SMC3: variants seen among roughly 807,000 people sequenced by gnomAD.
The protein encoded by SMC3 is structural maintenance of chromosomes 3.
A neutral mutation model predicts 171.8 loss-of-function variants in SMC3; 20 were observed. The ratio of observed to expected loss-of-function variants is 0.12; its 90% CI spans 0.08 to 0.17. The LOEUF is 0.17. SMC3 is among the 10% of genes least tolerant of loss of function. The pLI is 1.00. For synonymous variants in SMC3, 464 were observed against 451.1 expected (o/e 1.03, Z -0.36); for missense variants, 543 against 1,420.4 (o/e 0.38, Z 9.93).
intron 2 of SMC3, among the ~76,000 whole-genome samples, chr10:110,571,567 A>G (rs1409213312): frequency 2.0e-5 from 3 of 152,204 alleles, no homozygotes; most frequent in Admixed American, 1.3e-4. Context: ...TCAGGGAGTT[A>G]TAGCCTCCTT....
chr10:110,586,685 G>C (rs1861121650), intron 13 of SMC3, among the ~76,000 whole-genome samples: 1 of 151,874 alleles, frequency 6.6e-6, no homozygotes, highest in Admixed American at 6.6e-5. Context: ...TTTTGAGACA[G>C]CCCCACTCTG....
At chr10:110,603,611 C>T (rs1861421106) in intron 28 of SMC3, among the ~76,000 whole-genome samples, 1 of 152,066 alleles carries the variant, frequency 6.6e-6, no homozygotes, top group African/African-American at 2.4e-5. Context: ...GTCTTCCCAA[C>T]CTTAAAATTC....
chr10:110,601,218 A>G (rs1401761473), intron 23 of SMC3, 88 bp downstream of exon 23: 29 of 945,276 alleles, frequency 3.1e-5, no homozygotes, highest in Non-Finnish European at 4.5e-5. Context: ...AGGCAGAAGC[A>G]TATGCTAATG....
rs752563183 is a variant in SMC3 at position 110,584,005 on chromosome 10, T to G, written c.1091+43T>G. On this transcript the variant is annotated intron_variant, in intron 12 of 28. Coordinates refer to ENST00000361804, the MANE Select transcript of SMC3 (RefSeq NM_005445.4). Reference sequence around the variant, plus strand: ...AACACTTTAACTTTCTACATCATATTATGTAAAACTAGGTTGTCCGAGGAG... The same window carrying G: ...AACACTTTAACTTTCTACATCATATGATGTAAAACTAGGTTGTCCGAGGAG... The G allele has an allele frequency of 2.1e-5, 34 of 1,605,818 alleles. 1 individual carries two copies. In the South Asian group the frequency reaches 3.7e-4, roughly 17 times the overall value.
chr10:110,577,294 A>G lies in SMC3; in HGVS notation c.199-127A>G, dbSNP rs1860966877. 2.1e-5 allele frequency: 15 copies of G among 718,686 alleles called. No homozygotes were observed. In the South Asian group the frequency reaches 2.3e-4, roughly 11 times the overall value. 44.5% of individuals were successfully genotyped at this position (718,686 alleles called of 1,614,324 possible). On this transcript the variant is annotated intron_variant, in intron 4 of 28. Transcript: ENST00000361804. ...ACGTTAGATTAGTGTGTGTGTGTAT[A>G]TATGAATCTAGCAGAAATTTTTCTC...
chr10:110,584,013 A>C, intron 12 of SMC3, 51 bp downstream of exon 12: 3 of 1,605,748 alleles, frequency 1.9e-6, no homozygotes, highest in Non-Finnish European at 2.6e-6. Context: ...ATTATGTAAA[A>C]CTAGGTTGTC....
At chr10:110,584,787 A>G (rs1861083905) in intron 13 of SMC3, among the ~76,000 whole-genome samples, 1 of 151,864 alleles carries the variant, frequency 6.6e-6, no homozygotes, top group African/African-American at 2.4e-5. Flanking sequence ...GGCCCAGCAA[A>G]ATTTTTATTT....
Position 110,602,187 on chromosome 10 carries a change from C to CAAACA in SMC3, c.3105+9_3105+10insAAACA. On this transcript the variant is annotated intron_variant, in intron 25 of 28. Coordinates refer to ENST00000361804, the MANE Select transcript of SMC3 (RefSeq NM_005445.4). Reference sequence around the variant, plus strand: ...AGTTAACTTTCAAACAGGTATGTTTCGCTTTGTAGTTAAAACATACACACA... The same window carrying CAAACA: ...AGTTAACTTTCAAACAGGTATGTTTCAAACAGCTTTGTAGTTAAAACATACACACA... 1 of 1,605,122 alleles carries CAAACA rather than the reference C, an allele frequency of 6.2e-7. No homozygotes were observed. Among genetic ancestry groups the CAAACA allele is most frequent in the Non-Finnish European group, 8.5e-7 (1 of 1,172,322 alleles).
In SMC3 at chr10:110,583,524, A is replaced by G. The variant is rs1364780993; in HGVS notation, c.945A>G (p.Glu315=). The change falls in exon 11 of 29, where the codon GAA becomes GAG. Residue 315 remains glutamate, a synonymous_variant. Coordinates refer to ENST00000361804, the MANE Select transcript of SMC3 (RefSeq NM_005445.4). ...LELKAKDLQD[E]LAGNSEQRKR... is the part of the protein sequence containing the mutation. ...TTAAAGCCAAGGATTTACAAGATGA[A>G]CTAGCAGGCAATAGTGAACAAAGGG... 1.2e-6 allele frequency: 2 copies of G among 1,614,036 alleles called. No homozygotes were observed. The highest frequency in any genetic ancestry group is 2.7e-5 in the African/African-American group (2 of 74,948).
intron 18 of SMC3, among the ~76,000 whole-genome samples, chr10:110,595,766 T>A (rs1399624631): frequency 6.6e-6 from 1 of 152,092 alleles, no homozygotes; most frequent in African/African-American, 2.4e-5. Flanking sequence ...TAATTCAATA[T>A]GTTATTACAT....
chr10:110,588,636 A>G (rs562526507), intron 13 of SMC3, among the ~76,000 whole-genome samples: 88 of 152,266 alleles, frequency 5.8e-4, no homozygotes, highest in Middle Eastern at 3.4e-3. Context: ...AATGCCTGGT[A>G]CATACTGGGG....
chr10:110,571,293 C>T (rs1860867605), intron 2 of SMC3, among the ~76,000 whole-genome samples: 1 of 152,074 alleles, frequency 6.6e-6, no homozygotes, highest in Non-Finnish European at 1.5e-5. Context: ...ATGGGAGGTG[C>T]AGTTTGAGGG....
chr10:110,591,045 G>A lies in SMC3; in HGVS notation c.1725G>A (p.Glu575=). The change falls in exon 17 of 29, where the codon GAG becomes GAA. Residue 575 remains glutamate (E), a synonymous_variant. Coordinates refer to ENST00000361804, the MANE Select transcript of SMC3 (RefSeq NM_005445.4). ...AAGTCAGCACGAAGATTTTAATGGA[G>A]TTTAATAAAATGAATCTTCCTGGAG... ...SDEVSTKILM[E]FNKMNLPGEV... 6.2e-7 allele frequency: 1 copy of A among 1,612,472 alleles called. No homozygotes were observed. The highest frequency in any genetic ancestry group is 8.5e-7 in the Non-Finnish European group (1 of 1,178,526).
intron 17 of SMC3, among the ~76,000 whole-genome samples, chr10:110,592,580 A>G (rs1861224853): frequency 6.6e-6 from 1 of 152,234 alleles, no homozygotes; most frequent in Non-Finnish European, 1.5e-5. Flanking sequence ...TATCTAATTT[A>G]GATATATAAA....
intron 17 of SMC3, among the ~76,000 whole-genome samples, chr10:110,592,402 G>A (rs1473857948): frequency 6.6e-6 from 1 of 152,146 alleles, no homozygotes; most frequent in Non-Finnish European, 1.5e-5. Flanking sequence ...TGACTTCTGG[G>A]GTGTCAGCAG....
intron 19 of SMC3, among the ~76,000 whole-genome samples, chr10:110,596,946 T>A (rs1861310030): frequency 6.6e-6 from 1 of 151,806 alleles, no homozygotes; most frequent in African/African-American, 2.4e-5. Context: ...GCGGCATCAG[T>A]AATGTTACAT....
chr10:110,590,052 A>AT (rs1167742258), intron 15 of SMC3, 61 bp downstream of exon 15: 1 of 1,446,358 alleles, frequency 6.9e-7, no homozygotes, highest in African/African-American at 1.4e-5. Flanking sequence ...TCGTTATGTA[A>AT]TAATTTTTTA....
At chr10:110,593,692 C>G (rs569296631) in intron 18 of SMC3, among the ~76,000 whole-genome samples, 4 of 151,620 alleles carry the variant, frequency 2.6e-5, no homozygotes. Flanking sequence ...AAAATTCATC[C>G]TTTGCCTTTG....
chr10:110,567,753 G>C lies in SMC3; in HGVS notation c.-64G>C. Reference sequence around the variant, plus strand: ...GAGGGGTCGCGTAGGCGCCTCACCTGACCCTGCGGCCGTGCGGTTGCTGCT... The same window carrying C: ...GAGGGGTCGCGTAGGCGCCTCACCTCACCCTGCGGCCGTGCGGTTGCTGCT... On this transcript the variant is annotated 5_prime_UTR_variant, in exon 1 of 29. Coordinates refer to ENST00000361804, the MANE Select transcript of SMC3 (RefSeq NM_005445.4). The C allele has an allele frequency of 6.2e-7, 1 of 1,605,744 alleles. No individual in the cohort carries two copies. Among genetic ancestry groups the C allele is most frequent in the South Asian group, 1.1e-5 (1 of 90,868 alleles).
Sources: gnomAD v4.1 joint callset for allele counts (sites outside exome capture counted in the v4.1 genomes callset) on GRCh38, gnomAD v4.1.1 for gene constraint, MANE v1.5 for transcripts, NCBI Gene and HGNC (gene_info 2026-07-23, HGNC 2026-07-21) for gene names.